Variants in MAP1B observed in about 807,000 individuals in gnomAD.
MAP1B encodes microtubule associated protein 1B, also known as microtubule-associated protein 1B.
In MAP1B, 12 loss-of-function variants were observed where a neutral mutation model predicts 176.1. The observed-to-expected ratio is 0.07, with a 90% confidence interval of 0.04 to 0.11. The LOEUF is 0.11. Ranked by LOEUF, MAP1B falls within the 10% of genes least tolerant of loss-of-function variation. The probability of loss-of-function intolerance (pLI) is 1.00; values close to 1 mark genes in which losing one functional copy is unlikely to be tolerated. For synonymous variants in MAP1B, 1,044 were observed against 1,135.0 expected, an observed-to-expected ratio of 0.92 and a Z score of 1.61; for missense variants, 2,523 against 2,990.5, an observed-to-expected ratio of 0.84 and a Z score of 3.65.
chr5:72,153,374 C>T (rs1330385037), intron 2 of MAP1B, among the ~76,000 whole-genome samples: 1 of 152,006 alleles, frequency 6.6e-6, no homozygotes, highest in Non-Finnish European at 1.5e-5. Flanking sequence ...TTGACAAGAA[C>T]CACTCATATA....
At chr5:72,190,576 C>T (rs760863233) in intron 4 of MAP1B, among the ~76,000 whole-genome samples, 2 of 152,216 alleles carry the variant, frequency 1.3e-5, no homozygotes, top group Non-Finnish European at 2.9e-5. Flanking sequence ...TTCTGCCATT[C>T]CACATTTTGC....
At chr5:72,112,914 C>T (rs1371309534) in intron 1 of MAP1B, among the ~76,000 whole-genome samples, 1 of 152,178 alleles carries the variant, frequency 6.6e-6, no homozygotes, top group Admixed American at 6.5e-5. Flanking sequence ...GGATGACTTG[C>T]TTCTGAAAGC....
In MAP1B at chr5:72,203,815, G is replaced by C. The variant is rs775220449; in HGVS notation, c.7251+14G>C. 15 of 1,608,500 alleles carry C rather than the reference G, an allele frequency of 9.3e-6. No individual in the cohort carries two copies. The highest frequency in any genetic ancestry group is 1.2e-5 in the Non-Finnish European group (14 of 1,176,768). On this transcript the variant is annotated intron_variant, in intron 6 of 6. Coordinates refer to ENST00000296755, the MANE Select transcript of MAP1B (RefSeq NM_005909.5). ...AGCAACATGCAGGTGAGAACTCCTC[G>C]ACAGTGTCTGCACTGCCGATTGAGC...
In MAP1B at chr5:72,109,053, C is replaced by A. The variant is rs576432266; in HGVS notation, c.184+1338C>A. On this transcript the variant is annotated intron_variant, in intron 1 of 6. Coordinates refer to ENST00000296755, the MANE Select transcript of MAP1B (RefSeq NM_005909.5). ...TCACGCAGCCCTCGTTCCCCACTCC[C>A]CCTCCCCAATAAAAGACGAAAGAAA... Among the ~76,000 whole-genome samples the A allele has an allele frequency of 2.2e-4, 34 of 152,280 alleles. No homozygotes were observed. The East Asian group carries it at 6.2e-3, about 28-fold the overall frequency.
rs1342649964 is a variant in MAP1B, at chr5:72,207,214, A to G, written c.*1975A>G. Reference sequence around the variant, plus strand: ...ATGCACCCAGTGTTCAGATGAGGCAAACTTCTCCGTGACAACTGTGCTGTG... The same window carrying G: ...ATGCACCCAGTGTTCAGATGAGGCAGACTTCTCCGTGACAACTGTGCTGTG... On this transcript the variant is annotated 3_prime_UTR_variant, in exon 7 of 7. Coordinates refer to ENST00000296755, the MANE Select transcript of MAP1B (RefSeq NM_005909.5). 4 of 152,180 alleles carry G rather than the reference A, an allele frequency of 2.6e-5. No homozygotes were observed. The highest frequency in any genetic ancestry group is 9.6e-5 in the African/African-American group (4 of 41,456). The allele number at this position is 152,180 out of a possible 1,614,324, so 9.4% of individuals were successfully genotyped here.
intron 2 of MAP1B, among the ~76,000 whole-genome samples, chr5:72,167,016 CT>C (rs35935162): frequency 0.011 from 1,597 of 142,314 alleles, 24 homozygotes; most frequent in African/African-American, 0.033. Flanking sequence ...TATATTCCTT[CT>C]TTTTTTTTTT....
In MAP1B at chr5:72,195,980, C is replaced by T. The variant is rs578007313; in HGVS notation, c.2625C>T (p.Ala875=). ...TGAAGGAAACTGAGCCAGTCGAAGC[C>T]TACGTCATCCAGAAGGAGAGAGAAG... ...EKLKETEPVE[A]YVIQKEREVT... Residue 875 remains alanine (A), a synonymous_variant, in exon 5 of 7, where the codon GCC becomes GCT. Coordinates refer to ENST00000296755, the MANE Select transcript of MAP1B (RefSeq NM_005909.5). The T allele has an allele frequency of 1.1e-5, 18 of 1,614,102 alleles. No individual in the cohort carries two copies. The highest frequency in any genetic ancestry group is 1.4e-5 in the Non-Finnish European group (17 of 1,180,052).
intron 2 of MAP1B, among the ~76,000 whole-genome samples, chr5:72,126,519 CA>C (rs1338192550): frequency 2.0e-5 from 3 of 152,220 alleles, no homozygotes; most frequent in Non-Finnish European, 4.4e-5. Flanking sequence ...CTTCTATCAC[CA>C]CTCTCTCCCA....
At chr5:72,170,210 C>T (rs1746508930) in intron 2 of MAP1B, among the ~76,000 whole-genome samples, 2 of 151,620 alleles carry the variant, frequency 1.3e-5, no homozygotes, top group Non-Finnish European at 2.9e-5. Flanking sequence ...AAATGGAAAA[C>T]TCAATGGCTA....
chr5:72,122,535 G>A (rs537512484), intron 2 of MAP1B, among the ~76,000 whole-genome samples: 85 of 152,156 alleles, frequency 5.6e-4, no homozygotes, highest in Non-Finnish European at 9.6e-4. Flanking sequence ...GTGGCCAGCA[G>A]AAAGGAATAA....
At chr5:72,151,708 G>C (rs1473431445) in intron 2 of MAP1B, among the ~76,000 whole-genome samples, 1 of 152,132 alleles carries the variant, frequency 6.6e-6, no homozygotes, top group African/African-American at 2.4e-5. Flanking sequence ...GACTGAAATA[G>C]GTGTGGTCCC....
chr5:72,112,094 A>G (rs1468333454), intron 1 of MAP1B, among the ~76,000 whole-genome samples: 1 of 152,202 alleles, frequency 6.6e-6, no homozygotes. Flanking sequence ...ATTTCAGACC[A>G]CTTTTTAGCA....
chr5:72,200,261 C>T lies in MAP1B; in HGVS notation c.6906C>T (p.Pro2302=). ...KKESVEKAAK[P]TTTPEVKAAR... ...AATCTGTGGAAAAGGCAGCAAAACCCACCACCACTCCTGAGGTCAAAGCTG... is the reference window on the plus strand; with the variant it reads ...AATCTGTGGAAAAGGCAGCAAAACCTACCACCACTCCTGAGGTCAAAGCTG... Residue 2302 remains proline (P), a synonymous_variant, in exon 5 of 7, where the codon CCC becomes CCT. Transcript: ENST00000296755. 6.2e-7 allele frequency: 1 copy of T among 1,614,170 alleles called. No homozygotes were observed. Among genetic ancestry groups the T allele is most frequent in the Non-Finnish European group, 8.5e-7 (1 of 1,180,036 alleles).
At chr5:72,185,860 A>T (rs1157881492) in intron 3 of MAP1B, among the ~76,000 whole-genome samples, 1 of 152,092 alleles carries the variant, frequency 6.6e-6, no homozygotes, top group Non-Finnish European at 1.5e-5. Context: ...GGCAAGTAGG[A>T]TGTGCTGAAC....
At chr5:72,120,455 T>C (rs1269213036) in intron 2 of MAP1B, among the ~76,000 whole-genome samples, 5 of 151,186 alleles carry the variant, frequency 3.3e-5, no homozygotes, top group Admixed American at 6.6e-5. Context: ...GATAGAGTCT[T>C]GCTCTGTTGC....
rs535219763 is a variant in MAP1B at position 72,206,488 on chromosome 5, A to G, written c.*1249A>G. 2 of 152,760 alleles carry G rather than the reference A, an allele frequency of 1.3e-5. No individual in the cohort carries two copies. Among genetic ancestry groups the G allele is most frequent in the African/African-American group, 4.8e-5 (2 of 41,582 alleles). 9.5% of individuals were successfully genotyped at this position (152,760 alleles called of 1,614,324 possible). ...CAGAACTGGGAAAACAGTGAATCTT[A>G]TGGTGGAAGAGGTTCTCAGCAAGTG... On this transcript the variant is annotated 3_prime_UTR_variant, in exon 7 of 7. Transcript: ENST00000296755.
rs1747184088 is a variant in MAP1B at position 72,196,858 on chromosome 5, C to T, written c.3503C>T (p.Ser1168Leu). The T allele has an allele frequency of 6.2e-7, 1 of 1,614,046 alleles. No individual in the cohort carries two copies. The highest frequency in any genetic ancestry group is 1.7e-5 in the Admixed American group (1 of 60,012). ...GTAAATATCACCAAATATGAATCTT[C>T]ATTGTATTCTCAGGAATACTCTAAA... ...EFVNITKYES[S>L]LYSQEYSKPA... The change falls in exon 5 of 7, where the codon TCA (serine) becomes TTA (leucine). Residue 1168 changes from serine to leucine, a missense_variant. This residue lies in a region of MAP1B where 1,925 missense variants were observed against 2,126.0 expected (regional missense o/e 0.91). Coordinates refer to ENST00000296755, the MANE Select transcript of MAP1B (RefSeq NM_005909.5). The surrounding 1 kb of genome is among the most constrained non-coding windows in gnomAD (Gnocchi z 5.3).
At position 72,116,138 on chromosome 5, in the gene MAP1B, T is replaced by C. The variant is rs868226994; in HGVS notation, c.286+339T>C. ...AGAGAAAGAGAGAGAGATAGTATAGTGTGTGTATGTGTATCTCACTGTACT... is the reference window on the plus strand; with the variant it reads ...AGAGAAAGAGAGAGAGATAGTATAGCGTGTGTATGTGTATCTCACTGTACT... On this transcript the variant is annotated intron_variant, in intron 2 of 6. Coordinates refer to ENST00000296755, the MANE Select transcript of MAP1B (RefSeq NM_005909.5). The C allele has an allele frequency of 1.3e-5, 4 of 318,894 alleles. No homozygotes were observed. The East Asian group carries it at 3.2e-4, about 25-fold the overall frequency. The allele number at this position is 318,894 out of a possible 1,614,324, so 19.8% of individuals were successfully genotyped here.
rs2111906085 is a variant in MAP1B, at chr5:72,206,693, G to A, written c.*1454G>A. The A allele has an allele frequency of 6.6e-6, 1 of 151,518 alleles. No individual in the cohort carries two copies. Among genetic ancestry groups the A allele is most frequent in the African/African-American group, 2.4e-5 (1 of 40,978 alleles). The allele number at this position is 151,518 out of a possible 1,614,324, so 9.4% of individuals were successfully genotyped here. On this transcript the variant is annotated 3_prime_UTR_variant, in exon 7 of 7. Coordinates refer to ENST00000296755, the MANE Select transcript of MAP1B (RefSeq NM_005909.5). Reference sequence around the variant, plus strand: ...GAAATTGCAAAGAAAATTCTCAAGTGATAGTCTTTTTTTTTAAGTGTTTCG... The same window carrying A: ...GAAATTGCAAAGAAAATTCTCAAGTAATAGTCTTTTTTTTTAAGTGTTTCG...
Sources: allele counts gnomAD v4.1 joint callset (sites outside exome capture counted in the v4.1 genomes callset), GRCh38; gene constraint gnomAD v4.1.1; regional missense constraint gnomAD v4.1.1; non-coding constraint Gnocchi (gnomAD v3.1); transcripts MANE v1.5; gene names NCBI Gene and HGNC (gene_info 2026-07-23, HGNC 2026-07-21).